DPH6: variants seen among roughly 807,000 people sequenced by gnomAD.
The protein encoded by DPH6 is diphthamine biosynthesis 6, also known as diphthine--ammonia ligase.
Under a neutral mutation model 38.2 loss-of-function variants are expected in DPH6, and 33 were observed. That is an observed-to-expected ratio of 0.86 (90% confidence interval 0.65 to 1.15). The LOEUF is 1.15. DPH6 is among the 50% of genes most tolerant of loss of function. The pLI is 0.00. For missense variants in DPH6, 325 were observed against 320.0 expected, an observed-to-expected ratio of 1.02 and a Z score of -0.12; for synonymous variants, 108 against 103.0, an observed-to-expected ratio of 1.05 and a Z score of -0.30.
intron 3 of DPH6, among the ~76,000 whole-genome samples, chr15:35,516,479 C>T (rs1006755435): frequency 6.6e-6 from 1 of 152,082 alleles, no homozygotes; most frequent in Non-Finnish European, 1.5e-5. Flanking sequence ...ATATGAAAGC[C>T]AAGGTATAGA....
chr15:35,216,615 T>C (rs529408837), downstream of DPH6, among the ~76,000 whole-genome samples: 1 of 152,360 alleles, frequency 6.6e-6, no homozygotes, highest in South Asian at 2.1e-4. Context: ...ATTATGGTCA[T>C]TTACTTATTT....
intron 3 of DPH6, among the ~76,000 whole-genome samples, chr15:35,536,984 T>C (rs781672973): frequency 6.6e-6 from 1 of 152,102 alleles, no homozygotes; most frequent in Admixed American, 6.6e-5. Context: ...TCTTATGCTA[T>C]CTATAACTAA....
At chr15:35,225,892 T>C (rs944281616) in intron 3 of DPH6, among the ~76,000 whole-genome samples, 4 of 152,238 alleles carry the variant, frequency 2.6e-5, no homozygotes, top group African/African-American at 9.6e-5. Context: ...AGAAAAATCA[T>C]ACGATTGTCA....
intron 5 of DPH6, among the ~76,000 whole-genome samples, chr15:35,422,877 T>C (rs2053523786): frequency 6.6e-6 from 1 of 151,960 alleles, no homozygotes; most frequent in Non-Finnish European, 1.5e-5. Flanking sequence ...ATCCGTGTTG[T>C]TGAAAATGGT....
At chr15:35,194,060 T>C in the DPH6 span, among the ~76,000 whole-genome samples, 1 of 152,182 alleles carries the variant, frequency 6.6e-6, no homozygotes, top group East Asian at 1.9e-4. Context: ...AAATGAAAAC[T>C]CTGATGCCAG....
intron 3 of DPH6, among the ~76,000 whole-genome samples, chr15:35,307,916 C>A (rs1262687574): frequency 6.6e-6 from 1 of 152,140 alleles, no homozygotes; most frequent in African/African-American, 2.4e-5. Context: ...ATTCTAGTAT[C>A]ATTCTTATTC....
intron 3 of DPH6, among the ~76,000 whole-genome samples, chr15:35,506,615 A>G (rs1422125016): frequency 6.6e-6 from 1 of 152,162 alleles, no homozygotes; most frequent in African/African-American, 2.4e-5. Context: ...TCTCCAATTT[A>G]CACGCTTCTC....
At chr15:35,346,658 T>C (rs901002922) in intron 3 of DPH6, among the ~76,000 whole-genome samples, 2 of 152,136 alleles carry the variant, frequency 1.3e-5, no homozygotes, top group African/African-American at 4.8e-5. Context: ...TATCTGTTTC[T>C]TATTGTTAAA....
intron 3 of DPH6, among the ~76,000 whole-genome samples, chr15:35,469,283 C>T (rs562156815): frequency 1.3e-3 from 192 of 152,242 alleles, no homozygotes; most frequent in Non-Finnish European, 2.2e-3. Context: ...ATAATATTTA[C>T]AATTTTAACC....
intron 3 of DPH6, among the ~76,000 whole-genome samples, chr15:35,365,232 G>A (rs2052647312): frequency 6.6e-6 from 1 of 151,994 alleles, no homozygotes; most frequent in African/African-American, 2.4e-5. Context: ...CAAATCCATG[G>A]TCAGTGAGGC....
At chr15:35,526,905 C>T (rs924027040) in intron 3 of DPH6, among the ~76,000 whole-genome samples, 4 of 152,090 alleles carry the variant, frequency 2.6e-5, no homozygotes, top group African/African-American at 7.2e-5. Context: ...AACTAGAAAG[C>T]ATTAATTCTA....
intron 3 of DPH6, among the ~76,000 whole-genome samples, chr15:35,535,160 G>A (rs1362259296): frequency 1.3e-5 from 2 of 152,060 alleles, no homozygotes; most frequent in Non-Finnish European, 2.9e-5. Flanking sequence ...CAGCATTACT[G>A]TGACATTTCA....
chr15:35,505,431 G>A (rs1055254726), intron 3 of DPH6, among the ~76,000 whole-genome samples: 1 of 152,082 alleles, frequency 6.6e-6, no homozygotes, highest in African/African-American at 2.4e-5. Context: ...TACCCCAGCA[G>A]TTTGGTTACT....
chr15:35,174,572 T>C, the DPH6 span, among the ~76,000 whole-genome samples: 1 of 152,214 alleles, frequency 6.6e-6, no homozygotes, highest in Non-Finnish European at 1.5e-5. Context: ...TCTATAGGCT[T>C]GAGGTTACTT....
chr15:35,168,309 C>CT, the DPH6 span, among the ~76,000 whole-genome samples: 7 of 151,814 alleles, frequency 4.6e-5, no homozygotes, highest in African/African-American at 1.2e-4. Context: ...AAATGTATTG[C>CT]CTTGAAAAGA....
At chr15:35,302,192 T>C (rs1380758995) in intron 3 of DPH6, among the ~76,000 whole-genome samples, 1 of 152,190 alleles carries the variant, frequency 6.6e-6, no homozygotes, top group East Asian at 1.9e-4. Context: ...AATGTAAATA[T>C]ATACTTGGGG....
intron 3 of DPH6, among the ~76,000 whole-genome samples, chr15:35,351,880 C>T (rs1322480647): frequency 6.6e-6 from 1 of 151,962 alleles, no homozygotes; most frequent in African/African-American, 2.4e-5. Flanking sequence ...CACCAGCACA[C>T]TTGGCTAATT....
chr15:35,423,784 T>C (rs1284292640), intron 5 of DPH6, among the ~76,000 whole-genome samples: 1 of 151,716 alleles, frequency 6.6e-6, no homozygotes, highest in East Asian at 1.9e-4. Flanking sequence ...TTCTTCCACA[T>C]GTAGATATGG....
At chr15:35,394,214 G>A (rs191442686) in intron 6 of DPH6, among the ~76,000 whole-genome samples, 1 of 152,182 alleles carries the variant, frequency 6.6e-6, no homozygotes, top group Admixed American at 6.5e-5. Context: ...CTATTCTGCT[G>A]CTGCTAATAC....
Sources: gnomAD v4.1 joint callset for allele counts (sites outside exome capture counted in the v4.1 genomes callset) on GRCh38, gnomAD v4.1.1 for gene constraint, MANE v1.5 for transcripts, NCBI Gene and HGNC (gene_info 2026-07-23, HGNC 2026-07-21) for gene names.